RAB31: variants seen among roughly 807,000 people sequenced by gnomAD.
The protein encoded by RAB31 is RAB31, member RAS oncogene family.
RAB31 carries 21 observed loss-of-function variants against 25.6 expected under a neutral mutation model. The observed-to-expected ratio is 0.82, with a 90% CI of 0.58 to 1.18. The LOEUF (loss-of-function observed/expected upper bound fraction) is 1.18. Among genes scored for constraint, RAB31 ranks in the 50% most tolerant of loss-of-function variants. The pLI, the probability that RAB31 is intolerant of heterozygous loss-of-function variation, is 0.00. For synonymous variants in RAB31, 87 were observed against 84.0 expected (o/e 1.04, Z -0.20); for missense variants, 196 against 250.1 (o/e 0.78, Z 1.46).
intron 1 of RAB31, among the ~76,000 whole-genome samples, chr18:9,751,884 C>T (rs2068236742): frequency 1.3e-5 from 2 of 152,166 alleles, no homozygotes; most frequent in Non-Finnish European, 2.9e-5. Flanking sequence ...TCACAGCATA[C>T]CCCAAGGTTC....
At chr18:9,718,460 T>C (rs1387529449) in intron 1 of RAB31, among the ~76,000 whole-genome samples, 1 of 150,956 alleles carries the variant, frequency 6.6e-6, no homozygotes, top group Non-Finnish European at 1.5e-5. Flanking sequence ...GGTTTCACTA[T>C]GTTGGTCAGG....
At chr18:9,828,129 G>A (rs540452380) in intron 5 of RAB31, among the ~76,000 whole-genome samples, 1 of 152,230 alleles carries the variant, frequency 6.6e-6, no homozygotes, top group South Asian at 2.1e-4. Flanking sequence ...AGGTGGGAGC[G>A]AGCTTGGCAC....
intron 5 of RAB31, among the ~76,000 whole-genome samples, chr18:9,837,809 T>C (rs139171083): frequency 2.4e-4 from 36 of 152,336 alleles, no homozygotes; most frequent in African/African-American, 8.2e-4. Context: ...GGGTGACTTA[T>C]GAACATTAAT....
intron 1 of RAB31, among the ~76,000 whole-genome samples, chr18:9,712,707 A>C (rs2068023681): frequency 6.6e-6 from 1 of 152,034 alleles, no homozygotes; most frequent in Non-Finnish European, 1.5e-5. Flanking sequence ...TTGTTTTGTT[A>C]TCTCCTTGGG....
intron 1 of RAB31, among the ~76,000 whole-genome samples, chr18:9,760,819 G>T (rs895686148): frequency 6.6e-6 from 1 of 152,222 alleles, no homozygotes; most frequent in African/African-American, 2.4e-5. Context: ...CTGGTGTTAG[G>T]TTCCCTGTTG....
At chr18:9,763,650 T>C (rs978002032) in intron 1 of RAB31, among the ~76,000 whole-genome samples, 1 of 150,292 alleles carries the variant, frequency 6.7e-6, no homozygotes, top group African/African-American at 2.4e-5. Context: ...GTAGGCATAA[T>C]TGGAGTTCCA....
chr18:9,849,324 C>T (rs1442350414), intron 6 of RAB31, among the ~76,000 whole-genome samples: 3 of 152,122 alleles, frequency 2.0e-5, no homozygotes, highest in African/African-American at 4.8e-5. Context: ...ACCCATGAAG[C>T]TGAGACTAAT....
intron 2 of RAB31, chr18:9,787,313 G>A (rs1039731934): frequency 1.0e-5 from 2 of 200,082 alleles, no homozygotes; most frequent in African/African-American, 4.7e-5. Flanking sequence ...ACTCTATGCT[G>A]TATATTAGAT....
intron 1 of RAB31, among the ~76,000 whole-genome samples, chr18:9,730,208 A>G (rs556253412): frequency 5.3e-4 from 80 of 152,114 alleles, no homozygotes; most frequent in Admixed American, 8.5e-4. Context: ...TTTCTTACGC[A>G]GCCCAAAACT....
chr18:9,836,184 G>A (rs889641237), intron 5 of RAB31, among the ~76,000 whole-genome samples: 3 of 152,026 alleles, frequency 2.0e-5, no homozygotes, highest in African/African-American at 7.3e-5. Context: ...CTTGGAAGGG[G>A]GCTGTGGCTC....
At chr18:9,854,478 A>G (rs56147259) in intron 6 of RAB31, among the ~76,000 whole-genome samples, 11,509 of 151,996 alleles carry the variant, frequency 0.076, 556 homozygotes, top group Non-Finnish European at 0.11. Context: ...CATCTTCCAC[A>G]GTTTCCCTTT....
intron 2 of RAB31, among the ~76,000 whole-genome samples, chr18:9,777,972 C>G (rs984381210): frequency 6.6e-5 from 10 of 152,026 alleles, no homozygotes; most frequent in African/African-American, 2.4e-4. Flanking sequence ...CCAGGATGGT[C>G]TCAATCTCTT....
At position 9,837,331 on chromosome 18, in the gene RAB31, G is replaced by A. The variant is rs138953073; in HGVS notation, c.381-8251G>A. ...AAATAAGAGAAGATAAATTCAAAATGGAACAAGGATTTAAATGTAAAACAA... is the reference window on the plus strand; with the variant it reads ...AAATAAGAGAAGATAAATTCAAAATAGAACAAGGATTTAAATGTAAAACAA... On this transcript the variant is annotated intron_variant, in intron 5 of 6. Coordinates refer to ENST00000578921, the MANE Select transcript of RAB31 (RefSeq NM_006868.4). 6.0e-3 allele frequency among the ~76,000 whole-genome samples: 910 copies of A among 152,194 alleles called. 10 individuals are homozygous for A. The highest frequency in any genetic ancestry group is 0.021 in the African/African-American group (855 of 41,502).
At chr18:9,750,367 A>T (rs2068228333) in intron 1 of RAB31, among the ~76,000 whole-genome samples, 1 of 152,214 alleles carries the variant, frequency 6.6e-6, no homozygotes, top group Non-Finnish European at 1.5e-5. Flanking sequence ...GGCCGCTGCC[A>T]ATACAGTTTG....
intron 1 of RAB31, among the ~76,000 whole-genome samples, chr18:9,746,697 G>A (rs1488157363): frequency 6.6e-6 from 1 of 152,172 alleles, no homozygotes; most frequent in Non-Finnish European, 1.5e-5. Context: ...ATGGTGTTGG[G>A]ACAACCAGAT....
intron 5 of RAB31, among the ~76,000 whole-genome samples, chr18:9,839,274 C>T (rs1372311319): frequency 6.6e-6 from 1 of 152,190 alleles, no homozygotes; most frequent in Non-Finnish European, 1.5e-5. Flanking sequence ...AGTTCCATCA[C>T]CAGCAGCTGA....
intron 6 of RAB31, among the ~76,000 whole-genome samples, chr18:9,857,623 C>T (rs1396776286): frequency 1.3e-5 from 2 of 148,908 alleles, no homozygotes; most frequent in African/African-American, 2.5e-5. Context: ...CAAATGAATA[C>T]ACTAACTAGC....
chr18:9,808,372 C>T (rs1394644400), intron 3 of RAB31, among the ~76,000 whole-genome samples: 2 of 152,160 alleles, frequency 1.3e-5, no homozygotes, highest in South Asian at 2.1e-4. Context: ...CTTAACAGTT[C>T]GATGTATTGT....
intron 5 of RAB31, among the ~76,000 whole-genome samples, chr18:9,827,540 C>T (rs960219929): frequency 5.3e-5 from 8 of 151,920 alleles, no homozygotes; most frequent in Admixed American, 3.9e-4. Context: ...CATGCACTCT[C>T]GCCTCTTCTG....
Sources: gnomAD v4.1 joint callset for allele counts (sites outside exome capture counted in the v4.1 genomes callset) on GRCh38, gnomAD v4.1.1 for gene constraint, MANE v1.5 for transcripts, NCBI Gene and HGNC (gene_info 2026-07-23, HGNC 2026-07-21) for gene names.